Variants in PHACTR3 observed in about 807,000 individuals in gnomAD.
PHACTR3 encodes protein phosphatase 1, regulatory subunit 123.
A neutral mutation model predicts 66.8 loss-of-function variants in PHACTR3; 16 were observed. That is an observed-to-expected ratio of 0.24 (90% confidence interval 0.16 to 0.36). The LOEUF is 0.36. PHACTR3 is among the 10% of genes least tolerant of loss of function. The probability of loss-of-function intolerance (pLI) is 1.00; values close to 1 mark genes in which losing one functional copy is unlikely to be tolerated. For missense variants in PHACTR3, 647 were observed against 719.9 expected (o/e 0.90, Z 1.16); for synonymous variants, 323 against 292.1 (o/e 1.11, Z -1.08).
intron 1 of PHACTR3, among the ~76,000 whole-genome samples, chr20:59,586,568 A>G (rs1358817068): frequency 6.6e-6 from 1 of 152,228 alleles, no homozygotes. Context: ...ATGATAAAAA[A>G]TAAGGCGATA....
At chr20:59,824,779 G>T (rs932682044) in intron 8 of PHACTR3, among the ~76,000 whole-genome samples, 1 of 152,008 alleles carries the variant, frequency 6.6e-6, no homozygotes, top group African/African-American at 2.4e-5. Context: ...CCCCACCAGT[G>T]GGGGGGCGGG....
At chr20:59,803,975 A>AGT (rs2041494736) in intron 7 of PHACTR3, among the ~76,000 whole-genome samples, 1 of 152,214 alleles carries the variant, frequency 6.6e-6, no homozygotes, top group Non-Finnish European at 1.5e-5. Context: ...CCTCCTGCTC[A>AGT]GTGCTAGGCA....
chr20:59,781,988 A>G (rs908784480), intron 7 of PHACTR3, among the ~76,000 whole-genome samples: 3 of 152,118 alleles, frequency 2.0e-5, no homozygotes, highest in African/African-American at 4.8e-5. Flanking sequence ...CACCCTTGCT[A>G]TGTATTCAGC....
chr20:59,672,578 T>C (rs747998458), intron 1 of PHACTR3, among the ~76,000 whole-genome samples: 6 of 152,200 alleles, frequency 3.9e-5, no homozygotes, highest in Non-Finnish European at 4.4e-5. Context: ...AAGAGAGGAA[T>C]AGGGCAGCCT....
At chr20:59,629,461 C>T (rs1390629611) in intron 1 of PHACTR3, among the ~76,000 whole-genome samples, 4 of 152,236 alleles carry the variant, frequency 2.6e-5, no homozygotes, top group South Asian at 2.1e-4. Flanking sequence ...CCTACTCTCT[C>T]GCAGTGCTGG....
chr20:59,642,842 C>T (rs1261481171), intron 1 of PHACTR3, among the ~76,000 whole-genome samples: 1 of 152,148 alleles, frequency 6.6e-6, no homozygotes, highest in Non-Finnish European at 1.5e-5. Context: ...GGGGCGTTTG[C>T]CTACAGAAAG....
intron 1 of PHACTR3, among the ~76,000 whole-genome samples, chr20:59,637,610 C>T (rs1047240723): frequency 2.0e-5 from 3 of 151,876 alleles, no homozygotes; most frequent in Non-Finnish European, 2.9e-5. Context: ...TTGTCATTGA[C>T]TCCTGTCCCT....
At chr20:59,746,420 A>G (rs1278480947) in intron 2 of PHACTR3, among the ~76,000 whole-genome samples, 2 of 152,218 alleles carry the variant, frequency 1.3e-5, no homozygotes, top group African/African-American at 4.8e-5. Context: ...TGTGCCTGAC[A>G]TGGTGCCTGG....
chr20:59,641,164 C>T (rs137920084), intron 1 of PHACTR3, among the ~76,000 whole-genome samples: 3 of 152,186 alleles, frequency 2.0e-5, no homozygotes, highest in African/African-American at 7.2e-5. Context: ...TCCATCCATC[C>T]ACCTCTGTTC....
At chr20:59,724,621 C>T (rs1434277546) in intron 1 of PHACTR3, among the ~76,000 whole-genome samples, 1 of 152,122 alleles carries the variant, frequency 6.6e-6, no homozygotes, top group African/African-American at 2.4e-5. Flanking sequence ...TGCATATAAC[C>T]AGGGCCGTCA....
At chr20:59,646,574 C>A (rs1007244345) in intron 1 of PHACTR3, among the ~76,000 whole-genome samples, 3 of 152,104 alleles carry the variant, frequency 2.0e-5, no homozygotes, top group Non-Finnish European at 2.9e-5. Flanking sequence ...TCAATCTGGG[C>A]CCAGTGTACC....
intron 4 of PHACTR3, among the ~76,000 whole-genome samples, chr20:59,765,294 G>A (rs2040145607): frequency 6.6e-6 from 1 of 152,162 alleles, no homozygotes; most frequent in Non-Finnish European, 1.5e-5. Flanking sequence ...CACTTTTGAG[G>A]ACAGTTTAAT....
intron 1 of PHACTR3, among the ~76,000 whole-genome samples, chr20:59,609,408 T>C (rs2033779917): frequency 1.3e-5 from 2 of 151,972 alleles, no homozygotes; most frequent in Non-Finnish European, 2.9e-5. Context: ...CACCTCCCTC[T>C]CCCAAGGTCA....
intron 1 of PHACTR3, among the ~76,000 whole-genome samples, chr20:59,693,229 C>A (rs999759772): frequency 5.3e-5 from 8 of 152,184 alleles, no homozygotes; most frequent in Non-Finnish European, 1.0e-4. Flanking sequence ...CGTCCTCATC[C>A]TCCAAGATCC....
At chr20:59,597,604 G>A (rs993751976) in intron 1 of PHACTR3, among the ~76,000 whole-genome samples, 1 of 152,208 alleles carries the variant, frequency 6.6e-6, no homozygotes, top group African/African-American at 2.4e-5. Context: ...CCTTAGCCAT[G>A]GCAATCATTG....
rs1299255175 is a variant in PHACTR3, at chr20:59,713,580, G to A, written c.119-29527G>A. 3.9e-5 allele frequency among the ~76,000 whole-genome samples: 6 copies of A among 152,212 alleles called. No individual in the cohort carries two copies. The South Asian group carries it at 1.0e-3, about 26-fold the overall frequency. On this transcript the variant is annotated intron_variant, in intron 1 of 12. Coordinates refer to ENST00000371015, the MANE Select transcript of PHACTR3 (RefSeq NM_080672.5). Reference sequence around the variant, plus strand: ...ATTTCTAAGATTGGTCCATGTTACCGGGTTTGATAATATTTCATCATTTTC... The same window carrying A: ...ATTTCTAAGATTGGTCCATGTTACCAGGTTTGATAATATTTCATCATTTTC...
intron 7 of PHACTR3, among the ~76,000 whole-genome samples, chr20:59,777,772 G>C (rs6027095): frequency 0.38 from 57,220 of 152,058 alleles, 13,197 homozygotes; most frequent in East Asian, 0.68. Context: ...CATCATCCCA[G>C]GGTACCTGGT....
At chr20:59,617,298 A>G (rs904008294) in intron 1 of PHACTR3, among the ~76,000 whole-genome samples, 1 of 152,206 alleles carries the variant, frequency 6.6e-6, no homozygotes, top group Admixed American at 6.5e-5. Flanking sequence ...AACAATAAAC[A>G]AAGAGTTCCA....
intron 7 of PHACTR3, among the ~76,000 whole-genome samples, chr20:59,788,486 T>A (rs1261041648): frequency 1.3e-5 from 2 of 151,830 alleles, no homozygotes; most frequent in Admixed American, 6.6e-5. Context: ...CAGGACACCA[T>A]CCCTGCCTTT....
Sources: allele counts gnomAD v4.1 joint callset (sites outside exome capture counted in the v4.1 genomes callset), GRCh38; gene constraint gnomAD v4.1.1; transcripts MANE v1.5; gene names NCBI Gene and HGNC (gene_info 2026-07-23, HGNC 2026-07-21).